RHOU: variants seen among roughly 807,000 people sequenced by gnomAD.
RHOU encodes rho-related GTP-binding protein RhoU.
A neutral mutation model predicts 12.6 loss-of-function variants in RHOU; 8 were observed. The observed-to-expected ratio is 0.64, with a 90% CI of 0.37 to 1.15. The LOEUF (loss-of-function observed/expected upper bound fraction) is 1.15. Among genes scored for constraint, RHOU ranks in the 50% most tolerant of loss-of-function variants. RHOU has a pLI of 0.01. For synonymous variants in RHOU, 161 were observed against 147.4 expected (o/e 1.09, Z -0.67); for missense variants, 258 against 347.0 (o/e 0.74, Z 2.04).
the RHOU span, among the ~76,000 whole-genome samples, chr1:228,692,925 T>C: frequency 1.3e-5 from 2 of 152,290 alleles, no homozygotes; most frequent in Admixed American, 6.5e-5. Flanking sequence ...TATATTATTA[T>C]ATAAAATTGC....
chr1:228,713,585 G>A, the RHOU span, among the ~76,000 whole-genome samples: 1 of 151,978 alleles, frequency 6.6e-6, no homozygotes, highest in African/African-American at 2.4e-5. Flanking sequence ...TCCCACCTCG[G>A]CCTCCCAAAG....
the RHOU span, among the ~76,000 whole-genome samples, chr1:228,685,122 T>C: frequency 6.6e-6 from 1 of 152,212 alleles, no homozygotes; most frequent in African/African-American, 2.4e-5. Flanking sequence ...GCCATGGTGC[T>C]GGTAGGAGCG....
upstream of RHOU, among the ~76,000 whole-genome samples, chr1:228,732,579 A>C (rs1283794642): frequency 6.6e-6 from 1 of 152,202 alleles, no homozygotes; most frequent in African/African-American, 2.4e-5. Context: ...TATGTTGCCT[A>C]CAGAAGAGTC....
chr1:228,721,383 G>A, the RHOU span, among the ~76,000 whole-genome samples: 2 of 152,194 alleles, frequency 1.3e-5, no homozygotes, highest in Non-Finnish European at 2.9e-5. Context: ...TAGAGGACTC[G>A]AGAATATTTT....
At chr1:228,657,973 T>C in the RHOU span, among the ~76,000 whole-genome samples, 5 of 152,068 alleles carry the variant, frequency 3.3e-5, no homozygotes, top group Non-Finnish European at 7.4e-5. Context: ...TAACTGCCAA[T>C]ATGATAGTGT....
the RHOU span, among the ~76,000 whole-genome samples, chr1:228,665,686 T>G: frequency 6.6e-6 from 1 of 152,190 alleles, no homozygotes; most frequent in Non-Finnish European, 1.5e-5. Context: ...AAGTTGGATG[T>G]CCTAGCTCCA....
chr1:228,647,062 C>A, the RHOU span, among the ~76,000 whole-genome samples: 2 of 152,130 alleles, frequency 1.3e-5, no homozygotes, highest in Admixed American at 6.5e-5. Context: ...AGAGCGAGAA[C>A]GTTTGAGCCT....
the RHOU span, among the ~76,000 whole-genome samples, chr1:228,707,196 C>CAT: frequency 0.26 from 18,073 of 70,116 alleles, 2,209 homozygotes; most frequent in African/African-American, 0.29. Context: ...TATATATATA[C>CAT]ATATATATAC....
At chr1:228,647,852 G>A in the RHOU span, 39 of 152,404 alleles carry the variant, frequency 2.6e-4, no homozygotes, top group African/African-American at 9.4e-4. Flanking sequence ...GCAGATTTAC[G>A]GTGCGGTTGA....
chr1:228,735,672 C>A lies in RHOU; in HGVS notation c.-71C>A. The A allele has an allele frequency of 8.7e-7, 1 of 1,149,984 alleles. No homozygotes were observed. The highest frequency in any genetic ancestry group is 1.1e-6 in the Non-Finnish European group (1 of 930,730). 71.2% of individuals were successfully genotyped at this position (1,149,984 alleles called of 1,614,324 possible). A position where few individuals can be genotyped will look rare whatever the true frequency, so the allele number is the denominator to read the frequency against. On this transcript the variant is annotated 5_prime_UTR_variant, in exon 1 of 3. Coordinates refer to ENST00000366691, the MANE Select transcript of RHOU (RefSeq NM_021205.6). This position sits in a 1 kb window ranked among gnomAD's most constrained non-coding sequence, Gnocchi z 8.1. ...CGGTGACAGCTCCTCCCTACCGCAA[C>A]CCTCCGGGGCGGAGGGGCGGTCGGG... is the stretch of plus-strand genomic sequence containing the variant.
the RHOU span, among the ~76,000 whole-genome samples, chr1:228,708,415 C>T: frequency 6.6e-6 from 1 of 151,370 alleles, no homozygotes; most frequent in Non-Finnish European, 1.5e-5. Context: ...AGAGAAAGGT[C>T]GGGTTACCCT....
At chr1:228,684,984 G>A in the RHOU span, among the ~76,000 whole-genome samples, 5 of 152,214 alleles carry the variant, frequency 3.3e-5, no homozygotes, top group African/African-American at 1.2e-4. Context: ...GCTACTCCGA[G>A]AGCTGCTGGT....
At chr1:228,707,194 TACATATATATAC>T in the RHOU span, among the ~76,000 whole-genome samples, 2 of 70,278 alleles carry the variant, frequency 2.8e-5, no homozygotes, top group African/African-American at 2.0e-4. Context: ...TATATATATA[TACATATATATAC>T]ATATATATAT....
the RHOU span, among the ~76,000 whole-genome samples, chr1:228,715,222 G>T: frequency 2.7e-5 from 4 of 149,520 alleles, no homozygotes; most frequent in Non-Finnish European, 4.4e-5. Flanking sequence ...GATTTTTATT[G>T]GTAAATGTGA....
chr1:228,660,952 A>T, the RHOU span, among the ~76,000 whole-genome samples: 4 of 145,470 alleles, frequency 2.7e-5, no homozygotes, highest in African/African-American at 1.0e-4. Flanking sequence ...AAAAAAAAAA[A>T]ATCTCCTTAA....
At chr1:228,665,695 CA>C in the RHOU span, among the ~76,000 whole-genome samples, 1 of 152,126 alleles carries the variant, frequency 6.6e-6, no homozygotes, top group Non-Finnish European at 1.5e-5. Context: ...GTCCTAGCTC[CA>C]GAATAAAGAG....
the RHOU span, among the ~76,000 whole-genome samples, chr1:228,682,944 A>C: frequency 6.6e-6 from 1 of 152,168 alleles, no homozygotes; most frequent in South Asian, 2.1e-4. Flanking sequence ...AAGTAGCCCC[A>C]TGGTGCTTTG....
chr1:228,742,316 G>A (rs1031256362), intron 2 of RHOU, among the ~76,000 whole-genome samples: 3 of 152,180 alleles, frequency 2.0e-5, no homozygotes, highest in Admixed American at 6.5e-5. Flanking sequence ...AAATCCCCTC[G>A]CCTGCCACTG....
the RHOU span, among the ~76,000 whole-genome samples, chr1:228,709,986 C>A: frequency 2.0e-5 from 3 of 152,114 alleles, no homozygotes; most frequent in Non-Finnish European, 2.9e-5. Flanking sequence ...ATATCACCAC[C>A]AATTCCACAG....
Sources: allele counts gnomAD v4.1 joint callset (sites outside exome capture counted in the v4.1 genomes callset), GRCh38; gene constraint gnomAD v4.1.1; non-coding constraint Gnocchi (gnomAD v3.1); transcripts MANE v1.5; gene names NCBI Gene and HGNC (gene_info 2026-07-23, HGNC 2026-07-21).